Variants in NUP98 observed in about 807,000 individuals in gnomAD.
NUP98 encodes nucleoporin 98 and 96 precursor.
NUP98 carries 26 observed loss-of-function variants against 191.9 expected under a neutral mutation model. The ratio of observed to expected loss-of-function variants is 0.14; its 90% CI spans 0.10 to 0.19. NUP98 has a LOEUF of 0.19. Ranked by LOEUF, NUP98 falls within the 10% of genes least tolerant of loss-of-function variation. The pLI, the probability that NUP98 is intolerant of heterozygous loss-of-function variation, is 1.00. For synonymous variants in NUP98, 808 were observed against 778.4 expected (o/e 1.04, Z -0.63); for missense variants, 1,941 against 2,178.8 (o/e 0.89, Z 2.17).
At chr11:3,787,873 TC>T (rs1189532370) in intron 1 of NUP98, among the ~76,000 whole-genome samples, 1 of 151,836 alleles carries the variant, frequency 6.6e-6, no homozygotes, top group Non-Finnish European at 1.5e-5. Flanking sequence ...GTGCCTCTAG[TC>T]CCAGCTACTT....
chr11:3,702,312 CA>C (rs1475528953), intron 23 of NUP98, 150 bp downstream of exon 23: 12 of 350,594 alleles, frequency 3.4e-5, no homozygotes, highest in African/African-American at 6.8e-5. Flanking sequence ...CACACACACA[CA>C]CTCTCTCTCT....
intron 8 of NUP98, among the ~76,000 whole-genome samples, chr11:3,766,266 T>C (rs1016222852): frequency 3.3e-5 from 5 of 151,522 alleles, no homozygotes; most frequent in Admixed American, 1.3e-4. Flanking sequence ...TCCCAGCTAC[T>C]TGGGAGGTGA....
intron 8 of NUP98, among the ~76,000 whole-genome samples, chr11:3,768,161 C>T (rs1418661227): frequency 6.6e-6 from 1 of 152,070 alleles, no homozygotes; most frequent in African/African-American, 2.4e-5. Flanking sequence ...GTGGCTCATG[C>T]CTATAATCCC....
At chr11:3,738,455 T>C (rs888193067) in intron 12 of NUP98, among the ~76,000 whole-genome samples, 5 of 152,144 alleles carry the variant, frequency 3.3e-5, no homozygotes, top group Non-Finnish European at 7.4e-5. Flanking sequence ...CTGATGATAC[T>C]TTATCCAGAA....
In NUP98 at chr11:3,713,807, A is replaced by C; in HGVS notation, c.2577+11T>G. ...GTTTATAAAAGTCTGAACTGGGTTA[A>C]ATGACTATACCTTAAACACCCAAGA... On this transcript the variant is annotated intron_variant, in intron 19 of 32. Coordinates refer to ENST00000324932, the MANE Select transcript of NUP98 (RefSeq NM_016320.5). 6.2e-7 allele frequency: 1 copy of C among 1,607,532 alleles called. No homozygotes were observed.
At chr11:3,780,380 A>T (rs2081920328) in intron 2 of NUP98, among the ~76,000 whole-genome samples, 3 of 150,238 alleles carry the variant, frequency 2.0e-5, no homozygotes, top group Admixed American at 6.6e-5. Context: ...AATAAAAAAA[A>T]AAAAAAAAAA....
chr11:3,756,332 A>G (rs1372992774), intron 10 of NUP98, among the ~76,000 whole-genome samples: 2 of 152,176 alleles, frequency 1.3e-5, no homozygotes, highest in Non-Finnish European at 2.9e-5. Flanking sequence ...GTAAAATTCA[A>G]TTTTACAAAT....
intron 8 of NUP98, among the ~76,000 whole-genome samples, chr11:3,763,759 G>A (rs1168649726): frequency 2.6e-5 from 4 of 152,038 alleles, no homozygotes. Flanking sequence ...ATGTGCCCAG[G>A]CTGGTCACGA....
intron 13 of NUP98, 29 bp from the exon 14 acceptor site, chr11:3,731,607 T>A (rs938156560): frequency 6.7e-7 from 1 of 1,492,236 alleles, no homozygotes; most frequent in African/African-American, 1.4e-5. Context: ...AAGGAAATTT[T>A]TGGTTTACTT....
intron 24 of NUP98, among the ~76,000 whole-genome samples, chr11:3,700,285 A>G (rs1479973755): frequency 6.6e-6 from 1 of 150,450 alleles, no homozygotes; most frequent in East Asian, 2.0e-4. Context: ...AAAAAAAAAA[A>G]AAAAGTAAAG....
At chr11:3,686,916 G>C (rs2078149994) in intron 28 of NUP98, among the ~76,000 whole-genome samples, 1 of 152,148 alleles carries the variant, frequency 6.6e-6, no homozygotes, top group Non-Finnish European at 1.5e-5. Flanking sequence ...GAACCCAGGA[G>C]GCGGAGGTTG....
intron 13 of NUP98, among the ~76,000 whole-genome samples, chr11:3,733,052 C>T (rs2079904392): frequency 6.6e-6 from 1 of 152,238 alleles, no homozygotes; most frequent in Non-Finnish European, 1.5e-5. Flanking sequence ...TAAGATAAAC[C>T]TCATGTGACA....
At chr11:3,718,369 C>T (rs1440492563) in intron 18 of NUP98, among the ~76,000 whole-genome samples, 1 of 152,030 alleles carries the variant, frequency 6.6e-6, no homozygotes, top group Non-Finnish European at 1.5e-5. Context: ...AACCCTGTCT[C>T]TACTAAAAAT....
intron 18 of NUP98, among the ~76,000 whole-genome samples, chr11:3,716,140 A>C (rs2079172772): frequency 1.3e-5 from 2 of 152,152 alleles, no homozygotes; most frequent in African/African-American, 2.4e-5. Context: ...ATATCTGAGA[A>C]ATCATTGCCA....
At position 3,706,621 on chromosome 11, in the gene NUP98, T is replaced by G; in HGVS notation, c.2749A>C (p.Ser917Arg). The change falls in exon 21 of 33, where the codon AGC (serine) becomes CGC (arginine). Residue 917 changes from serine (S) to arginine (R), a missense_variant. By Grantham distance (110) the Ser-to-Arg change is moderately radical (BLOSUM62 -1). Coordinates refer to ENST00000324932, the MANE Select transcript of NUP98 (RefSeq NM_016320.5). ...CTCCCTAACTGCTCCACCTCTGGGCTCTGGCTCTGTAGACAGCAGAAAGAT... is the reference window on the plus strand; with the variant it reads ...CTCCCTAACTGCTCCACCTCTGGGCGCTGGCTCTGTAGACAGCAGAAAGAT... ...GKPAPPPQSQ[S>R]PEVEQLGRVV... is the part of the protein sequence containing the mutation. 1 of 1,613,578 alleles carries G rather than the reference T, an allele frequency of 6.2e-7. No individual in the cohort carries two copies. Among genetic ancestry groups the G allele is most frequent in the Non-Finnish European group, 8.5e-7 (1 of 1,179,888 alleles).
Position 3,675,857 on chromosome 11 carries a change from A to C in NUP98, c.*302T>G. ...CAGAATGGCTAGGGATGGAAAAAGA[A>C]TACCCTGGTTCTTTGGGGGATTCTG... On this transcript the variant is annotated 3_prime_UTR_variant, in exon 33 of 33. Transcript: ENST00000324932. 1 of 442,082 alleles carries C rather than the reference A, an allele frequency of 2.3e-6. No homozygotes were observed. Among genetic ancestry groups the C allele is most frequent in the South Asian group, 2.5e-5 (1 of 40,052 alleles). The allele number at this position is 442,082 out of a possible 1,614,324, so 27.4% of individuals were successfully genotyped here. A position where few individuals can be genotyped will look rare whatever the true frequency, so the allele number is the denominator to read the frequency against.
chr11:3,733,456 C>T (rs1270194292), intron 13 of NUP98, among the ~76,000 whole-genome samples: 1 of 152,102 alleles, frequency 6.6e-6, no homozygotes, highest in Non-Finnish European at 1.5e-5. Flanking sequence ...GGATTATGGG[C>T]ACGCACCACC....
intron 8 of NUP98, 30 bp from the exon 9 acceptor site, chr11:3,763,069 T>C (rs767523942): frequency 6.2e-7 from 1 of 1,601,400 alleles, no homozygotes. Context: ...GATTAAAAGA[T>C]ATCCTGTAAT....
rs951186463 is a variant in NUP98 at position 3,744,544 on chromosome 11, G to T, written c.1373C>A (p.Ala458Asp). 6.2e-7 allele frequency: 1 copy of T among 1,613,574 alleles called. No homozygotes were observed. The highest frequency in any genetic ancestry group is 8.5e-7 in the Non-Finnish European group (1 of 1,179,780). The change falls in exon 12 of 33, where the codon GCC becomes GAC. Residue 458 changes from alanine to aspartate, a missense_variant. Coordinates refer to ENST00000324932, the MANE Select transcript of NUP98 (RefSeq NM_016320.5). ...CTGGGGGGCTCCAAAGCCCAAAGTG[G>T]CTGTCGTAGTATTAAATCCAGGGGC... ...FGAPGFNTTT[A>D]TLGFGAPQAP...
Sources: gnomAD v4.1 joint callset for allele counts (sites outside exome capture counted in the v4.1 genomes callset) on GRCh38, gnomAD v4.1.1 for gene constraint, MANE v1.5 for transcripts, NCBI Gene and HGNC (gene_info 2026-07-23, HGNC 2026-07-21) for gene names.